The following NUBPL variants were observed in gnomAD, a reference collection of about 807,000 sequenced individuals.
The protein encoded by NUBPL is NUBP iron-sulfur cluster assembly factor, mitochondrial.
A neutral mutation model predicts 45.7 loss-of-function variants in NUBPL; 31 were observed. The observed-to-expected ratio is 0.68, with a 90% CI of 0.51 to 0.92. NUBPL has a LOEUF of 0.92. Among genes scored for constraint, NUBPL ranks in the 40% least tolerant of loss-of-function variants. The probability of loss-of-function intolerance (pLI) is 0.00; values close to 1 mark genes in which losing one functional copy is unlikely to be tolerated. For synonymous variants in NUBPL, 144 were observed against 140.9 expected, an observed-to-expected ratio of 1.02 and a Z score of -0.15; for missense variants, 401 against 398.7, an observed-to-expected ratio of 1.01 and a Z score of -0.05.
intron 3 of NUBPL, among the ~76,000 whole-genome samples, chr14:31,588,851 G>C (rs2034066382): frequency 6.6e-6 from 1 of 150,944 alleles, no homozygotes; most frequent in African/African-American, 2.4e-5. Context: ...CCCAGGAGGT[G>C]GAGGTTGCAG....
intron 7 of NUBPL, 133 bp from the exon 8 acceptor site, chr14:31,826,495 TG>T (rs1235170273): frequency 1.3e-6 from 1 of 769,278 alleles, no homozygotes; most frequent in Non-Finnish European, 2.2e-6. Flanking sequence ...TTCTCATTCA[TG>T]TGTGTAAAAT....
In NUBPL at chr14:31,783,942, G is replaced by A. The variant is rs572475043; in HGVS notation, c.514-3838G>A. Among the ~76,000 whole-genome samples, 23 of 152,316 alleles carry A rather than the reference G, an allele frequency of 1.5e-4. 1 individual carries two copies. In the South Asian group the frequency reaches 4.4e-3, roughly 29 times the overall value. On this transcript the variant is annotated intron_variant, in intron 6 of 10. Coordinates refer to ENST00000281081, the MANE Select transcript of NUBPL (RefSeq NM_025152.3). ...TTGATGTTCTCTGAAACCCAGAGACGTGTCAGTCTGCCGGTGCTAGGAGTT... is the reference window on the plus strand; with the variant it reads ...TTGATGTTCTCTGAAACCCAGAGACATGTCAGTCTGCCGGTGCTAGGAGTT...
chr14:31,693,847 C>CTT (rs2037149816), intron 6 of NUBPL, among the ~76,000 whole-genome samples: 2 of 104,718 alleles, frequency 1.9e-5, no homozygotes, highest in Admixed American at 1.0e-4. Context: ...GGTAGATTTT[C>CTT]TTTTCTTTTC....
chr14:31,850,270 G>A, intron 10 of NUBPL, 69 bp downstream of exon 10: 2 of 1,247,280 alleles, frequency 1.6e-6, no homozygotes, highest in Non-Finnish European at 2.3e-6. Flanking sequence ...AAAGAAAGTT[G>A]GGAAGATTAA....
chr14:31,831,369 T>A (rs550989211), intron 8 of NUBPL, among the ~76,000 whole-genome samples: 18 of 152,168 alleles, frequency 1.2e-4, no homozygotes, highest in African/African-American at 2.9e-4. Context: ...TGAGCTTTTT[T>A]AATTTTATGA....
intron 1 of NUBPL, 52 bp from the exon 2 acceptor site, chr14:31,562,016 T>A (rs1180359308): frequency 2.1e-5 from 32 of 1,536,624 alleles, no homozygotes; most frequent in Non-Finnish European, 2.8e-5. Context: ...TACAGTGTGA[T>A]GATGGAGATG....
chr14:31,755,322 A>C (rs1457182310), intron 6 of NUBPL, among the ~76,000 whole-genome samples: 9 of 152,188 alleles, frequency 5.9e-5, no homozygotes, highest in East Asian at 1.9e-4. Flanking sequence ...CCAACAGTGT[A>C]AAAGTGTTCC....
At chr14:31,667,892 C>G (rs2036473737) in intron 4 of NUBPL, 1 of 159,520 alleles carries the variant, frequency 6.3e-6, no homozygotes, top group Non-Finnish European at 1.3e-5. Context: ...GGCTGCAGAA[C>G]AGCAAAGATT....
At chr14:31,742,843 G>A (rs1363986727) in intron 6 of NUBPL, among the ~76,000 whole-genome samples, 1 of 150,614 alleles carries the variant, frequency 6.6e-6, no homozygotes, top group Non-Finnish European at 1.5e-5. Context: ...CTGACCTCAA[G>A]TAATATGCCT....
At chr14:31,845,913 C>T (rs898742634) in intron 8 of NUBPL, 10 of 153,702 alleles carry the variant, frequency 6.5e-5, no homozygotes, top group African/African-American at 2.4e-4. Context: ...TGTATAACTA[C>T]CTCTTTGATA....
At chr14:31,669,550 A>G (rs2036519879) in intron 4 of NUBPL, among the ~76,000 whole-genome samples, 1 of 151,646 alleles carries the variant, frequency 6.6e-6, no homozygotes, top group Admixed American at 6.6e-5. Flanking sequence ...TTTGTTGTAC[A>G]TATTTCATTT....
chr14:31,657,475 C>T (rs948419517), intron 4 of NUBPL, among the ~76,000 whole-genome samples: 6 of 152,202 alleles, frequency 3.9e-5, no homozygotes, highest in African/African-American at 1.4e-4. Flanking sequence ...ATAAAGGCCA[C>T]ACCGAAGCCA....
intron 4 of NUBPL, among the ~76,000 whole-genome samples, chr14:31,650,070 G>T (rs2035959172): frequency 6.6e-6 from 1 of 151,860 alleles, no homozygotes; most frequent in Non-Finnish European, 1.5e-5. Flanking sequence ...TGCTGGTCAG[G>T]CTGGTCACAA....
chr14:31,805,726 G>A (rs1291184194), intron 7 of NUBPL, among the ~76,000 whole-genome samples: 1 of 152,032 alleles, frequency 6.6e-6, no homozygotes, highest in Non-Finnish European at 1.5e-5. Context: ...GACACAAAGA[G>A]GGGAACAACA....
At chr14:31,809,741 C>G (rs1019320473) in intron 7 of NUBPL, among the ~76,000 whole-genome samples, 2 of 152,206 alleles carry the variant, frequency 1.3e-5, no homozygotes, top group Non-Finnish European at 2.9e-5. Flanking sequence ...CCTGCTTTCT[C>G]TTGTGGGCAT....
chr14:31,788,600 C>A (rs530307317), intron 7 of NUBPL, among the ~76,000 whole-genome samples: 2 of 152,276 alleles, frequency 1.3e-5, no homozygotes, highest in South Asian at 4.1e-4. Flanking sequence ...ACTTACTGTG[C>A]CTGTGTATCT....
In NUBPL at chr14:31,787,797, G is replaced by A; in HGVS notation, c.531G>A (p.Leu177=). The change falls in exon 7 of 11, where the codon CTG becomes CTA. Residue 177 remains leucine, a synonymous_variant. Coordinates refer to ENST00000281081, the MANE Select transcript of NUBPL (RefSeq NM_025152.3). ...CTTTTTAGGTAGATTGGGGTCAACTGGACTACTTAGTTGTAGACATGCCAC... is the reference window on the plus strand; with the variant it reads ...CTTTTTAGGTAGATTGGGGTCAACTAGACTACTTAGTTGTAGACATGCCAC... ...KLLRQVDWGQ[L]DYLVVDMPPG... The A allele has an allele frequency of 1.2e-6, 2 of 1,611,632 alleles. No homozygotes were observed. The highest frequency in any genetic ancestry group is 1.7e-6 in the Non-Finnish European group (2 of 1,177,814).
Position 31,739,202 on chromosome 14 carries a change from C to A in NUBPL, c.514-48578C>A, listed in dbSNP as rs542068528. 2.4e-4 allele frequency among the ~76,000 whole-genome samples: 33 copies of A among 135,080 alleles called. No homozygotes were observed. In the South Asian group the frequency reaches 5.3e-3, roughly 22 times the overall value. 88.6% of individuals were successfully genotyped at this position (135,080 alleles called of 152,430 possible). On this transcript the variant is annotated intron_variant, in intron 6 of 10. Transcript: ENST00000281081. ...CTAATATATATATATATATTATATT[C>A]TATATATATATTATATTATATATAT... is the stretch of plus-strand genomic sequence containing the variant.
chr14:31,779,071 G>A (rs1478552674), intron 6 of NUBPL, among the ~76,000 whole-genome samples: 4 of 152,146 alleles, frequency 2.6e-5, no homozygotes, highest in African/African-American at 9.7e-5. Context: ...GTCAGGCGTG[G>A]TGGCTCATGC....
Sources: allele counts gnomAD v4.1 joint callset (sites outside exome capture counted in the v4.1 genomes callset), GRCh38; gene constraint gnomAD v4.1.1; transcripts MANE v1.5; gene names NCBI Gene and HGNC (gene_info 2026-07-23, HGNC 2026-07-21).